The following SDC2 variants were observed in gnomAD, a reference collection of about 807,000 sequenced individuals.
SDC2 encodes the protein syndecan 2.
SDC2 carries 13 observed loss-of-function variants against 22.2 expected under a neutral mutation model. The ratio of observed to expected loss-of-function variants is 0.59; its 90% CI spans 0.38 to 0.93. The LOEUF is 0.93. Among genes scored for constraint, SDC2 ranks in the 40% least tolerant of loss-of-function variants. The probability of loss-of-function intolerance (pLI) is 0.00; values close to 1 mark genes in which losing one functional copy is unlikely to be tolerated. For missense variants in SDC2, 235 were observed against 246.8 expected (o/e 0.95, Z 0.32); for synonymous variants, 94 against 92.8 (o/e 1.01, Z -0.07).
At chr8:96,556,047 C>G (rs895293857) in intron 1 of SDC2, among the ~76,000 whole-genome samples, 1 of 142,894 alleles carries the variant, frequency 7.0e-6, no homozygotes, top group African/African-American at 2.9e-5. Flanking sequence ...CACACACACA[C>G]ACACACACAT....
chr8:96,521,859 T>C (rs768582962), intron 1 of SDC2, among the ~76,000 whole-genome samples: 3 of 152,206 alleles, frequency 2.0e-5, no homozygotes, highest in African/African-American at 4.8e-5. Context: ...TTGTTTGATA[T>C]GGGGGTACTT....
At chr8:96,544,773 A>T (rs1390737647) in intron 1 of SDC2, among the ~76,000 whole-genome samples, 7 of 152,228 alleles carry the variant, frequency 4.6e-5, no homozygotes, top group Non-Finnish European at 1.0e-4. Context: ...ACACCCACTC[A>T]TAAGATATGA....
Position 96,494,121 on chromosome 8 carries a change from A to AGCCCCGAGCCCGAG in SDC2, c.-150_-137dup. The AGCCCCGAGCCCGAG allele has an allele frequency of 1.4e-6, 1 of 716,494 alleles. No homozygotes were observed. The highest frequency in any genetic ancestry group is 2.2e-6 in the Non-Finnish European group (1 of 454,808). 44.4% of individuals were successfully genotyped at this position (716,494 alleles called of 1,614,324 possible). A position where few individuals can be genotyped will look rare whatever the true frequency, so the allele number is the denominator to read the frequency against. ...CAGGAGGAGGAAGCGAGCGCCCCCG[A>AGCCCCGAGCCCGAG]GCCCCGAGCCCGAGTCCCCGAGCCT... On this transcript the variant is annotated 5_prime_UTR_variant, in exon 1 of 5. Transcript: ENST00000302190.
At chr8:96,521,121 A>G (rs1242027065) in intron 1 of SDC2, among the ~76,000 whole-genome samples, 1 of 152,218 alleles carries the variant, frequency 6.6e-6, no homozygotes, top group Non-Finnish European at 1.5e-5. Context: ...AAGCTGTTTC[A>G]TGCAGCACCA....
intron 1 of SDC2, among the ~76,000 whole-genome samples, chr8:96,592,269 G>GT (rs1488303225): frequency 2.0e-5 from 3 of 152,208 alleles, no homozygotes; most frequent in African/African-American, 7.2e-5. Flanking sequence ...AGAAAATAAA[G>GT]TGGTACTGTT....
At chr8:96,548,085 T>G (rs1398973076) in intron 1 of SDC2, among the ~76,000 whole-genome samples, 1 of 152,174 alleles carries the variant, frequency 6.6e-6, no homozygotes, top group Admixed American at 6.5e-5. Context: ...TCTTAACCCC[T>G]TGATGGCAGC....
At chr8:96,532,836 A>G (rs1221092502) in intron 1 of SDC2, among the ~76,000 whole-genome samples, 2 of 152,074 alleles carry the variant, frequency 1.3e-5, no homozygotes, top group Non-Finnish European at 2.9e-5. Context: ...GGTGTAAGAG[A>G]CTAGCAAAGT....
chr8:96,530,471 T>C (rs562552921), intron 1 of SDC2, among the ~76,000 whole-genome samples: 32 of 152,154 alleles, frequency 2.1e-4, no homozygotes, highest in Non-Finnish European at 3.5e-4. Context: ...CCGTCTCTAC[T>C]AAAAATATAA....
intron 1 of SDC2, among the ~76,000 whole-genome samples, chr8:96,566,565 G>C (rs2130573321): frequency 6.6e-6 from 1 of 152,066 alleles, no homozygotes; most frequent in Middle Eastern, 3.4e-3. Context: ...ATACTTATTA[G>C]TTTTATGTGA....
intron 1 of SDC2, among the ~76,000 whole-genome samples, chr8:96,512,480 A>T (rs2130443185): frequency 6.6e-6 from 1 of 152,312 alleles, no homozygotes; most frequent in East Asian, 1.9e-4. Context: ...AATCCCGTGG[A>T]CTGTGATAGA....
At chr8:96,532,171 A>G (rs1448443926) in intron 1 of SDC2, among the ~76,000 whole-genome samples, 1 of 152,204 alleles carries the variant, frequency 6.6e-6, no homozygotes, top group Non-Finnish European at 1.5e-5. Context: ...GCACACAGAA[A>G]TAAATATGAT....
intron 1 of SDC2, among the ~76,000 whole-genome samples, chr8:96,556,034 TCA>T (rs35496391): frequency 1.0e-3 from 144 of 143,326 alleles, no homozygotes; most frequent in South Asian, 1.7e-3. Flanking sequence ...TATTAGAATA[TCA>T]CACACACACA....
At chr8:96,591,697 T>G (rs779025397) in intron 1 of SDC2, among the ~76,000 whole-genome samples, 1 of 152,128 alleles carries the variant, frequency 6.6e-6, no homozygotes, top group Non-Finnish European at 1.5e-5. Context: ...TGTTTCATAG[T>G]AGCCAGGATT....
rs932670209 is a variant in SDC2, at chr8:96,559,358, T to C, written c.61-34122T>C. Among the ~76,000 whole-genome samples the C allele has an allele frequency of 2.0e-5, 3 of 152,298 alleles. No homozygotes were observed. In the East Asian group the frequency reaches 5.8e-4, roughly 29 times the overall value. On this transcript the variant is annotated intron_variant, in intron 1 of 4. Transcript: ENST00000302190. The stretch of plus-strand genomic sequence containing the variant: ...ATAGTGAAGAGGGTGACCGACCTTG[T>C]TGGAGGTTGTCTGTTGTTAAAAGGT...
Position 96,526,646 on chromosome 8 carries a change from GA to G in SDC2, c.60+32319del, listed in dbSNP as rs527635071. ...ATTAAAGAATCAAGCTAGTAAAAGTGAAAAGAGGCCTTTGGTTTTTTTTTTT... is the reference window on the plus strand; with the variant it reads ...ATTAAAGAATCAAGCTAGTAAAAGTGAAAGAGGCCTTTGGTTTTTTTTTTT... On this transcript the variant is annotated intron_variant, in intron 1 of 4. Transcript: ENST00000302190. 3.3e-5 allele frequency among the ~76,000 whole-genome samples: 5 copies of G among 151,392 alleles called. No individual in the cohort carries two copies. The South Asian group carries it at 1.0e-3, about 31-fold the overall frequency.
At chr8:96,497,496 C>T (rs550072176) in intron 1 of SDC2, among the ~76,000 whole-genome samples, 5 of 152,210 alleles carry the variant, frequency 3.3e-5, no homozygotes, top group Admixed American at 6.5e-5. Context: ...AACCACCCTT[C>T]GAGGGGTAGC....
chr8:96,551,330 T>C (rs946823580), intron 1 of SDC2, among the ~76,000 whole-genome samples: 7 of 152,328 alleles, frequency 4.6e-5, no homozygotes, highest in South Asian at 2.1e-4. Context: ...CTCTTTTCAG[T>C]AGGACAGTAC....
chr8:96,575,361 G>T (rs1400914725), intron 1 of SDC2, among the ~76,000 whole-genome samples: 1 of 150,414 alleles, frequency 6.6e-6, no homozygotes, highest in Non-Finnish European at 1.5e-5. Flanking sequence ...AAACCTGCGG[G>T]GTGGTGGGGG....
chr8:96,507,784 C>T (rs896261259), intron 1 of SDC2, among the ~76,000 whole-genome samples: 2 of 152,220 alleles, frequency 1.3e-5, no homozygotes, highest in African/African-American at 2.4e-5. Context: ...GAGTCTGATG[C>T]ACTTACAGCC....
Sources: gnomAD v4.1 joint callset for allele counts (sites outside exome capture counted in the v4.1 genomes callset) on GRCh38, gnomAD v4.1.1 for gene constraint, MANE v1.5 for transcripts, NCBI Gene and HGNC (gene_info 2026-07-23, HGNC 2026-07-21) for gene names.